Variants in TFR2 observed in about 807,000 individuals in gnomAD.
TFR2 encodes the protein transferrin receptor protein 2.
In TFR2, 64 loss-of-function variants were observed where a neutral mutation model predicts 91.9. The observed-to-expected ratio is 0.70, with a 90% CI of 0.57 to 0.86. TFR2 has a LOEUF of 0.86. Among genes scored for constraint, TFR2 ranks in the 40% least tolerant of loss-of-function variants. The pLI is 0.00. For synonymous variants in TFR2, 454 were observed against 459.6 expected, an observed-to-expected ratio of 0.99 and a Z score of 0.15; for missense variants, 950 against 1,080.5, an observed-to-expected ratio of 0.88 and a Z score of 1.69.
chr7:100,633,915 C>T (rs1803522393), intron 3 of TFR2, among the ~76,000 whole-genome samples: 1 of 151,738 alleles, frequency 6.6e-6, no homozygotes, highest in African/African-American at 2.4e-5. Context: ...ACCATGTTGA[C>T]CAGGTTGGTC....
At position 100,626,785 on chromosome 7, in the gene TFR2, A is replaced by G; in HGVS notation, c.2114T>C (p.Met705Thr). ...SEERDERLTR[M>T]YNVRIMRVEF... ...CACCCGCATTATGCGCACGTTGTAC[A>G]TGCGTGTCAGTCGCTCGTCTCTCTC... The change falls in exon 17 of 18, where the codon ATG becomes ACG. Residue 705 changes from methionine (M) to threonine (T), a missense_variant. By Grantham distance (81) the Met-to-Thr change is moderately conservative. Transcript: ENST00000223051. 2.6e-6 allele frequency: 4 copies of G among 1,547,474 alleles called. No homozygotes were observed. Among genetic ancestry groups the G allele is most frequent in the Non-Finnish European group, 3.5e-6 (4 of 1,146,870 alleles).
rs973865454 is a variant in TFR2, at chr7:100,626,767, A to G, written c.2132T>C (p.Met711Thr). 1 of 1,544,720 alleles carries G rather than the reference A, an allele frequency of 6.5e-7. No individual in the cohort carries two copies. Among genetic ancestry groups the G allele is most frequent in the African/African-American group, 1.4e-5 (1 of 72,978 alleles). The change falls in exon 17 of 18, where the codon ATG (methionine) becomes ACG (threonine). Residue 711 changes from methionine (M) to threonine (T), a missense_variant. Met to Thr is a moderately conservative substitution (Grantham distance 81). Transcript: ENST00000223051. ...RLTRMYNVRIMRVEFYFLSQY... is the reference protein window; with the variant it reads ...RLTRMYNVRITRVEFYFLSQY... ...GCGAGGAGGGCGGGGCCTCACCCGC[A>G]TTATGCGCACGTTGTACATGCGTGT...
chr7:100,622,664 A>G (rs1281919181), intron 17 of TFR2, among the ~76,000 whole-genome samples: 6 of 152,216 alleles, frequency 3.9e-5, no homozygotes, highest in Admixed American at 6.5e-5. Flanking sequence ...ACCTTCTACT[A>G]TGGTAACTGC....
rs144967912 is a variant in TFR2 at position 100,633,465 on chromosome 7, C to T, written c.565G>A (p.Asp189Asn). 11 of 1,612,860 alleles carry T rather than the reference C, an allele frequency of 6.8e-6. No individual in the cohort carries two copies. The highest frequency in any genetic ancestry group is 1.3e-5 in the African/African-American group (1 of 74,912). Reference sequence around the variant, plus strand: ...TAGTGCGTGTCGGTCCACACGTGGTCCAGCTTCTGGCGGGAGAGCGCCGCG... The same window carrying T: ...TAGTGCGTGTCGGTCCACACGTGGTTCAGCTTCTGGCGGGAGAGCGCCGCG... ...IRAALSRQKL[D>N]HVWTDTHYVG... Residue 189 changes from aspartate (D) to asparagine (N), a missense_variant, in exon 4 of 18, where the codon GAC (aspartate) becomes AAC (asparagine). Coordinates refer to ENST00000223051, the MANE Select transcript of TFR2 (RefSeq NM_003227.4).
At chr7:100,640,548 G>A (rs761033696) in intron 3 of TFR2, 138 bp downstream of exon 3, 2 of 953,484 alleles carry the variant, frequency 2.1e-6, no homozygotes, top group East Asian at 2.6e-5. Flanking sequence ...CGCTGAACAG[G>A]GGGGCCAGGA....
At position 100,630,954 on chromosome 7, in the gene TFR2, T is replaced by C. The variant is rs752704464; in HGVS notation, c.1205A>G (p.Asn402Ser). Residue 402 changes from asparagine (N) to serine (S), a missense_variant, in exon 9 of 18, where the codon AAC becomes AGC. Transcript: ENST00000223051. ...GPGPRLRLVV[N>S]NHRTSTPINN... ...GATGGGGGTGGAGGTCCTGTGATTG[T>C]TGACCACTAGCCGCAGTCGTGGCCC... 31 of 1,613,232 alleles carry C rather than the reference T, an allele frequency of 1.9e-5. No individual in the cohort carries two copies. Among genetic ancestry groups the C allele is most frequent in the Non-Finnish European group, 2.5e-5 (30 of 1,179,854 alleles).
At chr7:100,623,139 G>A (rs2131306331) in intron 17 of TFR2, among the ~76,000 whole-genome samples, 1 of 152,206 alleles carries the variant, frequency 6.6e-6, no homozygotes, top group African/African-American at 2.4e-5. Flanking sequence ...TGGGTGTGGT[G>A]GCACATGCCT....
intron 17 of TFR2, among the ~76,000 whole-genome samples, chr7:100,623,356 C>T (rs1803161343): frequency 6.6e-6 from 1 of 152,250 alleles, no homozygotes; most frequent in Non-Finnish European, 1.5e-5. Context: ...TCCTCCTCTT[C>T]CCTCAACATC....
chr7:100,625,053 C>G (rs1228586704), intron 17 of TFR2, among the ~76,000 whole-genome samples: 1 of 121,924 alleles, frequency 8.2e-6, no homozygotes, highest in South Asian at 2.7e-4. Flanking sequence ...TTTTCTTTTT[C>G]TTTTTCTTTT....
Position 100,626,817 on chromosome 7 carries a change from G to C in TFR2, c.2082C>G (p.Ser694Arg). 3 of 1,549,418 alleles carry C rather than the reference G, an allele frequency of 1.9e-6. No homozygotes were observed. Among genetic ancestry groups the C allele is most frequent in the Non-Finnish European group, 2.6e-6 (3 of 1,146,952 alleles). The change falls in exon 17 of 18, where the codon AGC becomes AGG. Residue 694 changes from serine (S) to arginine (R), a missense_variant. Physicochemically the swap from Ser to Arg is moderately radical, Grantham distance 110. Transcript: ENST00000223051. ...AAEKLRQEIYSSEERDERLTR... is the reference protein window; with the variant it reads ...AAEKLRQEIYRSEERDERLTR... Reference sequence around the variant, plus strand: ...TCAGTCGCTCGTCTCTCTCCTCCGAGCTGTAGATCTCCTGCCGCAGCTTTT... The same window carrying C: ...TCAGTCGCTCGTCTCTCTCCTCCGACCTGTAGATCTCCTGCCGCAGCTTTT...
chr7:100,632,717 T>TAA (rs35124485), intron 6 of TFR2: 89 of 204,982 alleles, frequency 4.3e-4, no homozygotes, highest in South Asian at 9.3e-4. Flanking sequence ...CCCAGCTAAC[T>TAA]AAAAAAAAAA....
In TFR2 at chr7:100,633,081, G is replaced by T. The variant is rs1376942584; in HGVS notation, c.769C>A (p.Gln257Lys). 1 of 1,613,450 alleles carries T rather than the reference G, an allele frequency of 6.2e-7. No homozygotes were observed. The highest frequency in any genetic ancestry group is 8.5e-7 in the Non-Finnish European group (1 of 1,179,978). ...YAHYGRPEDL[Q>K]DLRARGVDPV... Reference sequence around the variant, plus strand: ...TCCACGCCCCTGGCCCGCAGGTCCTGCAGGTCTTCGGGCCGCCCGTAGTGG... The same window carrying T: ...TCCACGCCCCTGGCCCGCAGGTCCTTCAGGTCTTCGGGCCGCCCGTAGTGG... Residue 257 changes from glutamine (Q) to lysine (K), a missense_variant, in exon 6 of 18, where the codon CAG becomes AAG. Transcript: ENST00000223051.
At chr7:100,641,265 G>A in intron 1 of TFR2, 37 bp from the exon 2 acceptor site, 2 of 1,532,430 alleles carry the variant, frequency 1.3e-6, no homozygotes, top group Non-Finnish European at 1.8e-6. Context: ...TGGGGCAAGA[G>A]GCCTGGGGGG....
chr7:100,640,965 A>G lies in TFR2; in HGVS notation c.286+11T>C. On this transcript the variant is annotated intron_variant, in intron 2 of 17. Transcript: ENST00000223051. ...AAGCCCTTCACTTCTGGGGAGGGGGACGGCTCTCACCCCCAGTGAAGATCA... is the reference window on the plus strand; with the variant it reads ...AAGCCCTTCACTTCTGGGGAGGGGGGCGGCTCTCACCCCCAGTGAAGATCA... 6.2e-7 allele frequency: 1 copy of G among 1,611,160 alleles called. No homozygotes were observed. The highest frequency in any genetic ancestry group is 8.5e-7 in the Non-Finnish European group (1 of 1,178,456).
chr7:100,632,346 A>G (rs1422509862), intron 6 of TFR2, 148 bp from the exon 7 acceptor site: 4 of 771,538 alleles, frequency 5.2e-6, no homozygotes, highest in Admixed American at 2.0e-5. Context: ...TGTCTTCCCA[A>G]CCTCAGCAGC....
chr7:100,640,364 A>G (rs896131910), intron 3 of TFR2: 16 of 351,792 alleles, frequency 4.5e-5, no homozygotes, highest in African/African-American at 1.0e-4. Context: ...CCTGCTCCAA[A>G]TCTAGGCGCC....
intron 9 of TFR2, 74 bp from the exon 10 acceptor site, chr7:100,629,446 G>C: frequency 1.9e-6 from 3 of 1,603,812 alleles, no homozygotes; most frequent in Non-Finnish European, 2.6e-6. Flanking sequence ...ATCTGCCTGT[G>C]TCTCTCAGCC....
At chr7:100,626,987 T>C in intron 16 of TFR2, 84 bp from the exon 17 acceptor site, 1 of 1,477,102 alleles carries the variant, frequency 6.8e-7, no homozygotes, top group Non-Finnish European at 8.9e-7. Context: ...CCGCCTAGCA[T>C]GGGGAAGGGG....
chr7:100,626,732 TG>T (rs759907892), intron 17 of TFR2, 30 bp downstream of exon 17: 1 of 1,302,312 alleles, frequency 7.7e-7, no homozygotes. Context: ...GGCGGGACAC[TG>T]GGGGCGGGGC....
Sources: gnomAD v4.1 joint callset for allele counts (sites outside exome capture counted in the v4.1 genomes callset) on GRCh38, gnomAD v4.1.1 for gene constraint, MANE v1.5 for transcripts, NCBI Gene and HGNC (gene_info 2026-07-23, HGNC 2026-07-21) for gene names.